ANKS1B: variants seen among roughly 807,000 people sequenced by gnomAD.
The protein encoded by ANKS1B is ankyrin repeat and sterile alpha motif domain-containing protein 1B.
Under a neutral mutation model 148.3 loss-of-function variants are expected in ANKS1B, and 36 were observed. The observed-to-expected ratio is 0.24, with a 90% confidence interval of 0.19 to 0.32. ANKS1B has a LOEUF of 0.32. Among genes scored for constraint, ANKS1B ranks in the 10% least tolerant of loss-of-function variants. The pLI is 1.00. For synonymous variants in ANKS1B, 542 were observed against 560.8 expected (o/e 0.97, Z 0.47); for missense variants, 1,157 against 1,542.6 (o/e 0.75, Z 4.19).
intron 12 of ANKS1B, among the ~76,000 whole-genome samples, chr12:99,281,099 T>G (rs1283388090): frequency 1.3e-5 from 2 of 152,056 alleles, no homozygotes; most frequent in Non-Finnish European, 2.9e-5. Flanking sequence ...TAGGGAAAGG[T>G]GGGGCCACAA....
chr12:99,369,900 T>C (rs1350735113), intron 12 of ANKS1B, among the ~76,000 whole-genome samples: 1 of 146,670 alleles, frequency 6.8e-6, no homozygotes, highest in Non-Finnish European at 1.5e-5. Context: ...AGATAAAATA[T>C]GGCAAATGTT....
intron 15 of ANKS1B, among the ~76,000 whole-genome samples, chr12:99,142,925 G>T (rs1420228279): frequency 6.6e-6 from 1 of 152,060 alleles, no homozygotes; most frequent in Non-Finnish European, 1.5e-5. Flanking sequence ...AACTGGATGG[G>T]CCATATTGTT....
At chr12:98,795,630 T>A (rs1463616631) in intron 22 of ANKS1B, 2 of 451,368 alleles carry the variant, frequency 4.4e-6, no homozygotes, top group East Asian at 1.4e-4. Flanking sequence ...GGGTACAACA[T>A]CTGTTTATTA....
rs577250002 is a variant in ANKS1B at position 99,393,416 on chromosome 12, G to A, written c.1756+6215C>T. 2.8e-4 allele frequency among the ~76,000 whole-genome samples: 42 copies of A among 152,280 alleles called. No homozygotes were observed. In the South Asian group the frequency reaches 8.7e-3, roughly 32 times the overall value. On this transcript the variant is annotated intron_variant, in intron 12 of 26. Coordinates refer to ENST00000683438, the MANE Select transcript of ANKS1B (RefSeq NM_001352186.2). ...CCAGGGAATGACATGAGGAGCCTTGGCACCTCAAGGAAGAGTGGGACAAAG... is the reference window on the plus strand; with the variant it reads ...CCAGGGAATGACATGAGGAGCCTTGACACCTCAAGGAAGAGTGGGACAAAG...
chr12:98,979,039 G>A (rs1000004165), intron 17 of ANKS1B, among the ~76,000 whole-genome samples: 2 of 151,698 alleles, frequency 1.3e-5, no homozygotes, highest in African/African-American at 4.8e-5. Flanking sequence ...CTACTCGGGA[G>A]GCTGAGGCAG....
intron 17 of ANKS1B, among the ~76,000 whole-genome samples, chr12:98,848,535 T>C (rs2099496978): frequency 6.6e-6 from 1 of 151,900 alleles, no homozygotes; most frequent in Admixed American, 6.6e-5. Flanking sequence ...TGGTTCAAAT[T>C]TCATGAGATT....
At chr12:99,066,573 G>A (rs2044408309) in intron 16 of ANKS1B, among the ~76,000 whole-genome samples, 1 of 152,160 alleles carries the variant, frequency 6.6e-6, no homozygotes, top group Non-Finnish European at 1.5e-5. Context: ...TGGGGAGTCA[G>A]GGTATGCATT....
At chr12:99,571,170 T>C (rs936396095) in intron 9 of ANKS1B, among the ~76,000 whole-genome samples, 1 of 152,118 alleles carries the variant, frequency 6.6e-6, no homozygotes, top group Non-Finnish European at 1.5e-5. Flanking sequence ...TTTCTAGATG[T>C]CTTTTTTGAT....
At chr12:98,772,980 T>G (rs958181008) in intron 25 of ANKS1B, 62 bp downstream of exon 25, 3 of 1,583,988 alleles carry the variant, frequency 1.9e-6, no homozygotes, top group Non-Finnish European at 2.6e-6. Flanking sequence ...AGTTGGGCTT[T>G]CAATACAGTC....
At chr12:99,434,858 C>T (rs980686498) in intron 11 of ANKS1B, among the ~76,000 whole-genome samples, 1 of 151,908 alleles carries the variant, frequency 6.6e-6, no homozygotes, top group Non-Finnish European at 1.5e-5. Context: ...GAATTTTATG[C>T]ATGTGGGAGA....
intron 9 of ANKS1B, among the ~76,000 whole-genome samples, chr12:99,508,027 T>C (rs1268248781): frequency 6.6e-6 from 1 of 151,952 alleles, no homozygotes; most frequent in Non-Finnish European, 1.5e-5. Context: ...TACATGTAAG[T>C]ATCAATAAAA....
intron 10 of ANKS1B, among the ~76,000 whole-genome samples, chr12:99,463,748 G>A (rs1345478937): frequency 2.0e-5 from 3 of 152,328 alleles, no homozygotes; most frequent in Non-Finnish European, 2.9e-5. Flanking sequence ...AGGGGCGCCC[G>A]CCATTGCCCA....
At chr12:99,459,912 A>T (rs2152850272) in intron 10 of ANKS1B, among the ~76,000 whole-genome samples, 1 of 152,262 alleles carries the variant, frequency 6.6e-6, no homozygotes, top group Non-Finnish European at 1.5e-5. Context: ...ACAATCCTAA[A>T]ATTCATACGG....
intron 15 of ANKS1B, among the ~76,000 whole-genome samples, chr12:99,144,993 C>G (rs578147002): frequency 1.3e-5 from 2 of 152,182 alleles, no homozygotes; most frequent in Non-Finnish European, 1.5e-5. Flanking sequence ...CCATAGCAAA[C>G]TGATATGAAG....
intron 17 of ANKS1B, among the ~76,000 whole-genome samples, chr12:99,048,492 A>T (rs1438940385): frequency 2.0e-5 from 3 of 152,198 alleles, no homozygotes; most frequent in African/African-American, 4.8e-5. Context: ...GTGTAAATTC[A>T]CTTTACATGA....
At chr12:99,472,357 G>A (rs1369471604) in intron 10 of ANKS1B, among the ~76,000 whole-genome samples, 1 of 152,000 alleles carries the variant, frequency 6.6e-6, no homozygotes, top group East Asian at 1.9e-4. Context: ...AATTATTTAG[G>A]TATCCCTCTG....
At chr12:99,051,740 T>C (rs2099966228) in intron 17 of ANKS1B, among the ~76,000 whole-genome samples, 2 of 152,246 alleles carry the variant, frequency 1.3e-5, no homozygotes, top group African/African-American at 4.8e-5. Context: ...GAGTTACTTA[T>C]GGCCATACAA....
In ANKS1B at chr12:99,806,654, T is replaced by C; in HGVS notation, c.419A>G (p.His140Arg). The C allele has an allele frequency of 6.2e-7, 1 of 1,613,986 alleles. No homozygotes were observed. Among genetic ancestry groups the C allele is most frequent in the South Asian group, 1.1e-5 (1 of 91,082 alleles). The part of the protein sequence containing the change: ...TALHCAAQYG[H>R]SEVVAVLLEE... The stretch of plus-strand genomic sequence containing the variant: ...TAGGAGAACAGCAACTACTTCTGAG[T>C]GTCCATATTGAGCTGCACAGTGTAG... The change falls in exon 4 of 27, where the codon CAC becomes CGC. Residue 140 changes from histidine to arginine, a missense_variant. His to Arg is a conservative substitution (Grantham distance 29). Coordinates refer to ENST00000683438, the MANE Select transcript of ANKS1B (RefSeq NM_001352186.2).
intron 14 of ANKS1B, among the ~76,000 whole-genome samples, chr12:99,162,813 A>G (rs558630728): frequency 1.3e-5 from 2 of 152,214 alleles, no homozygotes; most frequent in Admixed American, 1.3e-4. Context: ...TAATCTCAGC[A>G]CTCTGGGAGG....
Sources: allele counts gnomAD v4.1 joint callset (sites outside exome capture counted in the v4.1 genomes callset), GRCh38; gene constraint gnomAD v4.1.1; transcripts MANE v1.5; gene names NCBI Gene and HGNC (gene_info 2026-07-23, HGNC 2026-07-21).